BEND7: variants seen among roughly 807,000 people sequenced by gnomAD.
BEND7 encodes the protein BEN domain-containing protein 7.
Under a neutral mutation model 50.9 loss-of-function variants are expected in BEND7, and 28 were observed. That is an observed-to-expected ratio of 0.55 (90% CI 0.41 to 0.75). The LOEUF (loss-of-function observed/expected upper bound fraction) is 0.75. Among genes scored for constraint, BEND7 ranks in the 30% least tolerant of loss-of-function variants. The probability of loss-of-function intolerance (pLI) is 0.00; values close to 1 mark genes in which losing one functional copy is unlikely to be tolerated. For missense variants in BEND7, 477 were observed against 491.3 expected, an observed-to-expected ratio of 0.97 and a Z score of 0.28; for synonymous variants, 170 against 183.9, an observed-to-expected ratio of 0.92 and a Z score of 0.61.
intron 2 of BEND7, among the ~76,000 whole-genome samples, chr10:13,522,080 AAAG>A (rs2079116446): frequency 6.6e-6 from 1 of 152,142 alleles, no homozygotes; most frequent in African/African-American, 2.4e-5. Context: ...TGAATATTAA[AAAG>A]AATAACTAGA....
intron 6 of BEND7, among the ~76,000 whole-genome samples, chr10:13,474,750 G>A (rs1245663794): frequency 6.6e-6 from 1 of 152,152 alleles, no homozygotes; most frequent in Non-Finnish European, 1.5e-5. Context: ...CATCATCGCT[G>A]TTAGACTTGG....
intron 6 of BEND7, 148 bp downstream of exon 6, chr10:13,480,751 C>T (rs937636174): frequency 3.4e-6 from 5 of 1,464,666 alleles, no homozygotes; most frequent in Non-Finnish European, 4.5e-6. Context: ...AATTACAGAG[C>T]TCACACCCGA....
downstream of BEND7, chr10:13,439,110 C>T: frequency 7.0e-7 from 1 of 1,428,694 alleles, no homozygotes; most frequent in Non-Finnish European, 9.5e-7. Flanking sequence ...CCTGACATCA[C>T]AAGGCTCAGA....
intron 6 of BEND7, among the ~76,000 whole-genome samples, chr10:13,472,594 C>A (rs188237814): frequency 1.3e-5 from 2 of 151,928 alleles, no homozygotes; most frequent in African/African-American, 4.8e-5. Context: ...GGTTGATACC[C>A]GTCATCACTG....
intron 4 of BEND7, among the ~76,000 whole-genome samples, chr10:13,495,643 C>A (rs1425714851): frequency 6.6e-6 from 1 of 152,234 alleles, no homozygotes; most frequent in Non-Finnish European, 1.5e-5. Flanking sequence ...GCCTGGGCAA[C>A]AAGAGTGAAA....
At position 13,441,292 on chromosome 10, in the gene BEND7, T is replaced by C. The variant is rs576455298; in HGVS notation, c.*451A>G. ...AGAAGATTGAGACATTATCCATAGATATGGATTTTTTTTTTGCTAAGAAAG... is the reference window on the plus strand; with the variant it reads ...AGAAGATTGAGACATTATCCATAGACATGGATTTTTTTTTTGCTAAGAAAG... On this transcript the variant is annotated 3_prime_UTR_variant, in exon 9 of 9. Transcript: ENST00000466271. 4 of 960,722 alleles carry C rather than the reference T, an allele frequency of 4.2e-6. No homozygotes were observed. The highest frequency in any genetic ancestry group is 1.8e-5 in the African/African-American group (1 of 55,984). 59.5% of individuals were successfully genotyped at this position (960,722 alleles called of 1,614,324 possible).
chr10:13,501,057 G>A (rs2077409852), intron 2 of BEND7, among the ~76,000 whole-genome samples: 1 of 152,194 alleles, frequency 6.6e-6, no homozygotes, highest in African/African-American at 2.4e-5. Context: ...AAATATTAAA[G>A]ATGTCTGTAA....
At chr10:13,442,857 A>C (rs1835544548) in intron 8 of BEND7, 1 of 152,204 alleles carries the variant, frequency 6.6e-6, no homozygotes, top group African/African-American at 2.4e-5. Flanking sequence ...ATTTCATCTT[A>C]CAGGTCAGAG....
intron 2 of BEND7, among the ~76,000 whole-genome samples, chr10:13,503,973 T>A (rs2077677031): frequency 1.3e-5 from 2 of 152,114 alleles, no homozygotes; most frequent in South Asian, 4.1e-4. Flanking sequence ...AGCTGCTGCC[T>A]AGGAGGAGGG....
chr10:13,499,213 A>C (rs1461981054), intron 3 of BEND7, among the ~76,000 whole-genome samples: 1 of 152,208 alleles, frequency 6.6e-6, no homozygotes, highest in Non-Finnish European at 1.5e-5. Context: ...GGAAACTTAA[A>C]TTAAGAAAAT....
chr10:13,460,147 T>C (rs1172425596), intron 6 of BEND7: 1 of 152,738 alleles, frequency 6.5e-6, no homozygotes, highest in Non-Finnish European at 1.5e-5. Flanking sequence ...GCACCTACTG[T>C]GTGCAAACAG....
chr10:13,451,259 G>A lies in BEND7; in HGVS notation c.1183+1280C>T, dbSNP rs1837624517. On this transcript the variant is annotated intron_variant, in intron 7 of 8. Transcript: ENST00000466271. ...GACTGTAGTGCAGTGGCCAGTCGTC[G>A]CTCACTGCAGCCTCAAACTCCTGGG... is the stretch of plus-strand genomic sequence containing the variant. Among the ~76,000 whole-genome samples the A allele has an allele frequency of 2.0e-5, 3 of 150,948 alleles. No homozygotes were observed. The South Asian group carries it at 6.3e-4, about 32-fold the overall frequency.
intron 2 of BEND7, among the ~76,000 whole-genome samples, chr10:13,524,861 C>T (rs996463655): frequency 2.0e-4 from 30 of 152,072 alleles, no homozygotes; most frequent in African/African-American, 7.2e-4. Context: ...TATCAATGAT[C>T]GCTCATGTAA....
At chr10:13,519,568 T>A (rs551250004) in intron 2 of BEND7, among the ~76,000 whole-genome samples, 111 of 152,298 alleles carry the variant, frequency 7.3e-4, no homozygotes, top group Admixed American at 1.6e-3. Flanking sequence ...TACAGTGTTT[T>A]CCAGTTTGAA....
chr10:13,441,146 T>C lies in BEND7; in HGVS notation c.*597A>G, dbSNP rs1835260111. On this transcript the variant is annotated 3_prime_UTR_variant, in exon 9 of 9. Coordinates refer to ENST00000466271, the MANE Select transcript of BEND7 (RefSeq NM_001369863.1). Reference sequence around the variant, plus strand: ...TCAGACATAAAGAGCATCTTGGGAATTGATACCACAACACAATGTTATACA... The same window carrying C: ...TCAGACATAAAGAGCATCTTGGGAACTGATACCACAACACAATGTTATACA... The C allele has an allele frequency of 1.9e-5, 19 of 984,906 alleles. No homozygotes were observed. The highest frequency in any genetic ancestry group is 2.2e-5 in the Non-Finnish European group (18 of 829,430). 61.0% of individuals were successfully genotyped at this position (984,906 alleles called of 1,614,324 possible).
At chr10:13,469,819 T>C (rs949346429) in intron 6 of BEND7, among the ~76,000 whole-genome samples, 1 of 152,210 alleles carries the variant, frequency 6.6e-6, no homozygotes. Flanking sequence ...GAAGCTTGCA[T>C]ACACTTTTAG....
At chr10:13,463,342 G>C (rs569532635) in intron 6 of BEND7, among the ~76,000 whole-genome samples, 1 of 152,318 alleles carries the variant, frequency 6.6e-6, no homozygotes, top group Admixed American at 6.5e-5. Flanking sequence ...AGAGGAGAAA[G>C]GGGAGGAGGA....
At chr10:13,459,601 T>C (rs1024077871) in intron 6 of BEND7, 8 of 152,172 alleles carry the variant, frequency 5.3e-5, no homozygotes, top group African/African-American at 1.9e-4. Flanking sequence ...CTTGGTGCAA[T>C]TGTTCTAGTC....
At position 13,441,627 on chromosome 10, in the gene BEND7, A is replaced by T. The variant is rs1795550080; in HGVS notation, c.*116T>A. On this transcript the variant is annotated 3_prime_UTR_variant, in exon 9 of 9. Transcript: ENST00000466271. ...ACTCATCCTATTTTAACACGGCGAAAGGTCACCAATTAATCTTCTCCCTTC... is the reference window on the plus strand; with the variant it reads ...ACTCATCCTATTTTAACACGGCGAATGGTCACCAATTAATCTTCTCCCTTC... 6.3e-6 allele frequency: 10 copies of T among 1,575,286 alleles called. No individual in the cohort carries two copies. The South Asian group carries it at 1.2e-4, about 19-fold the overall frequency.
Sources: allele counts gnomAD v4.1 joint callset (sites outside exome capture counted in the v4.1 genomes callset), GRCh38; gene constraint gnomAD v4.1.1; transcripts MANE v1.5; gene names NCBI Gene and HGNC (gene_info 2026-07-23, HGNC 2026-07-21).